Variants in SLC27A4 observed in about 807,000 individuals in gnomAD.
The protein encoded by SLC27A4 is solute carrier family 27 member 4.
Under a neutral mutation model 64.4 loss-of-function variants are expected in SLC27A4, and 33 were observed. The observed-to-expected ratio is 0.51, with a 90% CI of 0.39 to 0.68. The LOEUF (loss-of-function observed/expected upper bound fraction) is 0.68. Among genes scored for constraint, SLC27A4 ranks in the 30% least tolerant of loss-of-function variants. The pLI, the probability that SLC27A4 is intolerant of heterozygous loss-of-function variation, is 0.00. For synonymous variants in SLC27A4, 377 were observed against 370.0 expected (o/e 1.02, Z -0.22); for missense variants, 824 against 883.5 (o/e 0.93, Z 0.85).
chr9:128,341,524 C>T (rs533318460), intron 1 of SLC27A4, among the ~76,000 whole-genome samples: 38 of 152,316 alleles, frequency 2.5e-4, no homozygotes, highest in Non-Finnish European at 4.0e-4. Flanking sequence ...TCGCCTCCCT[C>T]AATCAGCTTT....
At chr9:128,342,149 C>T (rs928408405) in intron 1 of SLC27A4, 1 of 1,045,416 alleles carries the variant, frequency 9.6e-7, no homozygotes, top group African/African-American at 1.6e-5. Flanking sequence ...TAGAACACGT[C>T]TCAGGACAAC....
At chr9:128,352,052 G>A (rs965222000) in intron 6 of SLC27A4, among the ~76,000 whole-genome samples, 12 of 151,822 alleles carry the variant, frequency 7.9e-5, no homozygotes, top group African/African-American at 2.7e-4. Context: ...AAAATTAGCC[G>A]GGCGTGGTGG....
rs1235195368 is a variant in SLC27A4 at position 128,345,341 on chromosome 9, C to T, written c.348C>T (p.Asn116=). 4.3e-6 allele frequency: 7 copies of T among 1,613,922 alleles called. No homozygotes were observed. Among genetic ancestry groups the T allele is most frequent in the Non-Finnish European group, 5.9e-6 (7 of 1,180,022 alleles). The change falls in exon 3 of 13, where the codon AAC becomes AAT. Residue 116 remains asparagine (N), a synonymous_variant. Coordinates refer to ENST00000300456, the MANE Select transcript of SLC27A4 (RefSeq NM_005094.4). This position sits in a 1 kb window ranked among gnomAD's most constrained non-coding sequence, Gnocchi z 4.1. ...QLDEYSSSVA[N]FLQARGLASG... ...ATGAGTACTCAAGCAGTGTAGCCAA[C>T]TTCCTGCAGGCCCGGGGCCTGGCCT... is the stretch of plus-strand genomic sequence containing the variant.
chr9:128,360,480 G>A lies in SLC27A4; in HGVS notation c.1921G>A (p.Glu641Lys). The A allele has an allele frequency of 6.2e-7, 1 of 1,613,910 alleles. No individual in the cohort carries two copies. The highest frequency in any genetic ancestry group is 2.2e-5 in the East Asian group (1 of 44,886). Residue 641 changes from glutamate to lysine, a missense_variant, in exon 13 of 13, where the codon GAG (glutamate) becomes AAG (lysine). Transcript: ENST00000300456. ...CTACAGCCGCATCCAGGCAGGCGAG[G>A]AGAAGCTGTGATTCCCCCCATCCCT... ...EAYSRIQAGE[E>K]KL
chr9:128,350,662 C>A, intron 6 of SLC27A4, 87 bp downstream of exon 6: 1 of 1,087,594 alleles, frequency 9.2e-7, no homozygotes, highest in Non-Finnish European at 1.4e-6. Context: ...GCAGTAGAAA[C>A]ACACAGCTTT....
Position 128,361,348 on chromosome 9 carries a change from A to G in SLC27A4, c.*857A>G, listed in dbSNP as rs1564405607. On this transcript the variant is annotated 3_prime_UTR_variant, in exon 13 of 13. Coordinates refer to ENST00000300456, the MANE Select transcript of SLC27A4 (RefSeq NM_005094.4). Reference sequence around the variant, plus strand: ...GCCTCATCTGTTCATTCACTTATCTAAGCTGAGGGTGTAGCAGGTAAGATG... The same window carrying G: ...GCCTCATCTGTTCATTCACTTATCTGAGCTGAGGGTGTAGCAGGTAAGATG... 1 of 152,192 alleles carries G rather than the reference A, an allele frequency of 6.6e-6. No individual in the cohort carries two copies. Among genetic ancestry groups the G allele is most frequent in the East Asian group, 1.9e-4 (1 of 5,182 alleles). 9.4% of individuals were successfully genotyped at this position (152,192 alleles called of 1,614,324 possible). A position where few individuals can be genotyped will look rare whatever the true frequency, so the allele number is the denominator to read the frequency against.
At position 128,340,640 on chromosome 9, in the gene SLC27A4, G is replaced by A. The variant is rs912920946; in HGVS notation, c.-205G>A. Reference sequence around the variant, plus strand: ...CAGGTTTGGGGTGCGGGAGGCGGGCGGGGTAGGAGCGCGGCGGGCGGGGCC... The same window carrying A: ...CAGGTTTGGGGTGCGGGAGGCGGGCAGGGTAGGAGCGCGGCGGGCGGGGCC... On this transcript the variant is annotated 5_prime_UTR_variant, in exon 1 of 13. Transcript: ENST00000300456. 3.1e-4 allele frequency: 97 copies of A among 315,030 alleles called. No individual in the cohort carries two copies. The East Asian group carries it at 4.9e-3, about 16-fold the overall frequency. The allele number at this position is 315,030 out of a possible 1,614,324, so 19.5% of individuals were successfully genotyped here.
chr9:128,342,484 A>G (rs1390628296), intron 1 of SLC27A4: 13 of 1,336,684 alleles, frequency 9.7e-6, no homozygotes, highest in African/African-American at 4.3e-5. Context: ...TTAAATGACT[A>G]TGCTGCCCCT....
chr9:128,355,354 A>C, intron 10 of SLC27A4, 44 bp from the exon 11 acceptor site: 1 of 1,611,764 alleles, frequency 6.2e-7, no homozygotes, highest in Non-Finnish European at 8.5e-7. Flanking sequence ...CCCTGGTCTC[A>C]GAGCTGGCCA....
chr9:128,345,150 C>T lies in SLC27A4; in HGVS notation c.162-5C>T. The T allele has an allele frequency of 6.2e-7, 1 of 1,613,412 alleles. No homozygotes were observed. Among genetic ancestry groups the T allele is most frequent in the East Asian group, 2.2e-5 (1 of 44,882 alleles). On this transcript the variant is annotated splice_polypyrimidine_tract_variant and splice_region_variant and intron_variant, in intron 2 of 12. Transcript: ENST00000300456. This position sits in a 1 kb window ranked among gnomAD's most constrained non-coding sequence, Gnocchi z 4.1. ...GACACAGCGCCCTCTCTTGTTCACA[C>T]ACAGTGGCGGCCTGGTCCTCCTGAA...
In SLC27A4 at chr9:128,355,804, C is replaced by T; in HGVS notation, c.1774+8C>T. On this transcript the variant is annotated splice_region_variant and intron_variant, in intron 12 of 12. Transcript: ENST00000300456. ...CTGAGCTGCACAAAACAGGTGTGTC[C>T]CTCCCCTGCTCCAGCTCTCGGATCC... The T allele has an allele frequency of 6.2e-7, 1 of 1,612,808 alleles. No individual in the cohort carries two copies. The highest frequency in any genetic ancestry group is 1.7e-5 in the Admixed American group (1 of 60,028).
chr9:128,360,756 A>C lies in SLC27A4; in HGVS notation c.*265A>C. 2.0e-6 allele frequency: 1 copy of C among 501,106 alleles called. No individual in the cohort carries two copies. Among genetic ancestry groups the C allele is most frequent in the East Asian group, 3.7e-5 (1 of 26,762 alleles). The allele number at this position is 501,106 out of a possible 1,614,324, so 31.0% of individuals were successfully genotyped here. A position where few individuals can be genotyped will look rare whatever the true frequency, so the allele number is the denominator to read the frequency against. ...CAGGCTGAGACTGACGGGTTTTCTCAGGATGATGTCTTGGGTGAGGGTAGG... is the reference window on the plus strand; with the variant it reads ...CAGGCTGAGACTGACGGGTTTTCTCCGGATGATGTCTTGGGTGAGGGTAGG... On this transcript the variant is annotated 3_prime_UTR_variant, in exon 13 of 13. Coordinates refer to ENST00000300456, the MANE Select transcript of SLC27A4 (RefSeq NM_005094.4).
At chr9:128,350,437 T>G (rs756660457) in intron 5 of SLC27A4, 47 bp from the exon 6 acceptor site, 1 of 1,612,082 alleles carries the variant, frequency 6.2e-7, no homozygotes, top group Non-Finnish European at 8.5e-7. Context: ...GGAGCCTCCT[T>G]CTGCCTTTCT....
At chr9:128,351,785 G>T (rs1388785061) in intron 6 of SLC27A4, among the ~76,000 whole-genome samples, 2 of 152,156 alleles carry the variant, frequency 1.3e-5, no homozygotes, top group East Asian at 3.9e-4. Flanking sequence ...CAGGCGTGGT[G>T]CACATGCCTA....
chr9:128,353,830 G>A lies in SLC27A4; in HGVS notation c.1324+289G>A, dbSNP rs1007268427. ...GGGATCTCGGCTCACTGCAAGCTCC[G>A]CCTCCCGGGTTCACGCCATTCTCCT... On this transcript the variant is annotated intron_variant, in intron 9 of 12. Coordinates refer to ENST00000300456, the MANE Select transcript of SLC27A4 (RefSeq NM_005094.4). This position sits in a 1 kb window ranked among gnomAD's most constrained non-coding sequence, Gnocchi z 4.9. 1.1e-4 allele frequency among the ~76,000 whole-genome samples: 17 copies of A among 148,436 alleles called. No homozygotes were observed. The highest frequency in any genetic ancestry group is 3.6e-4 in the African/African-American group (14 of 39,376).
chr9:128,348,032 G>T (rs1203085646), intron 3 of SLC27A4, among the ~76,000 whole-genome samples: 2 of 152,166 alleles, frequency 1.3e-5, no homozygotes, highest in Non-Finnish European at 2.9e-5. Context: ...CGGGGGTGGG[G>T]GTTATGTGAT....
chr9:128,340,774 G>GCTGTCTA lies in SLC27A4; in HGVS notation c.-69_-63dup, dbSNP rs886470179. ...TCCAGGGGCGGCTAATGCCCCTCAC[G>GCTGTCTA]CTGTCTACGCTGCTGCAACCGGGCC... On this transcript the variant is annotated 5_prime_UTR_variant, in exon 1 of 13. Transcript: ENST00000300456. The GCTGTCTA allele has an allele frequency of 1.3e-5, 9 of 679,336 alleles. No individual in the cohort carries two copies. Among genetic ancestry groups the GCTGTCTA allele is most frequent in the Non-Finnish European group, 2.4e-5 (9 of 368,394 alleles). 42.1% of individuals were successfully genotyped at this position (679,336 alleles called of 1,614,324 possible). A position where few individuals can be genotyped will look rare whatever the true frequency, so the allele number is the denominator to read the frequency against.
In SLC27A4 at chr9:128,345,283, G is replaced by T. The variant is rs1448709376; in HGVS notation, c.290G>T (p.Gly97Val). Residue 97 changes from glycine to valine, a missense_variant, in exon 3 of 13, where the codon GGC (glycine) becomes GTC (valine). Gly to Val is a moderately radical substitution (Grantham distance 109). Coordinates refer to ENST00000300456, the MANE Select transcript of SLC27A4 (RefSeq NM_005094.4). This position sits in a 1 kb window ranked among gnomAD's most constrained non-coding sequence, Gnocchi z 4.1. ...HPDKTALIFE[G>V]TDTHWTFRQL... ...GACAAGACGGCCCTGATCTTCGAGG[G>T]CACAGATACCCACTGGACCTTCCGC... 1 of 1,613,924 alleles carries T rather than the reference G, an allele frequency of 6.2e-7. No homozygotes were observed. Among genetic ancestry groups the T allele is most frequent in the Non-Finnish European group, 8.5e-7 (1 of 1,180,022 alleles).
chr9:128,342,167 T>C, intron 1 of SLC27A4: 1 of 1,218,976 alleles, frequency 8.2e-7, no homozygotes, highest in Non-Finnish European at 1.2e-6. Flanking sequence ...AACTCGGTGG[T>C]GGCCACTGCG....
Sources: gnomAD v4.1 joint callset for allele counts (sites outside exome capture counted in the v4.1 genomes callset) on GRCh38, gnomAD v4.1.1 for gene constraint, Gnocchi (gnomAD v3.1) non-coding constraint, MANE v1.5 for transcripts, NCBI Gene and HGNC (gene_info 2026-07-23, HGNC 2026-07-21) for gene names.